DOCK1: variants seen among roughly 807,000 people sequenced by gnomAD.
DOCK1 encodes the protein dedicator of cytokinesis 1.
DOCK1 carries 138 observed loss-of-function variants against 262.7 expected under a neutral mutation model. The observed-to-expected ratio is 0.53, with a 90% CI of 0.46 to 0.61. The LOEUF is 0.61. Ranked by LOEUF, DOCK1 falls within the 20% of genes least tolerant of loss-of-function variation. The pLI, the probability that DOCK1 is intolerant of heterozygous loss-of-function variation, is 0.00. For missense variants in DOCK1, 1,908 were observed against 2,370.7 expected (o/e 0.80, Z 4.05); for synonymous variants, 866 against 867.4 (o/e 1.00, Z 0.03).
At chr10:127,099,956 C>CCT (rs2048137702) in intron 23 of DOCK1, among the ~76,000 whole-genome samples, 1 of 152,108 alleles carries the variant, frequency 6.6e-6, no homozygotes, top group African/African-American at 2.4e-5. Context: ...TGTGCTCAAG[C>CCT]CTCTGAGCTG....
chr10:127,308,437 C>T (rs1454629776), intron 29 of DOCK1, among the ~76,000 whole-genome samples: 3 of 152,178 alleles, frequency 2.0e-5, no homozygotes, highest in African/African-American at 7.2e-5. Context: ...TTTGTTTTTA[C>T]TTTAAGTTCC....
At chr10:127,253,934 G>A (rs1358684702) in intron 28 of DOCK1, among the ~76,000 whole-genome samples, 1 of 146,760 alleles carries the variant, frequency 6.8e-6, no homozygotes, top group African/African-American at 2.5e-5. Context: ...TCCGTTGAAA[G>A]CACGTTGGCA....
At chr10:127,432,059 A>C (rs1186326600) in intron 47 of DOCK1, among the ~76,000 whole-genome samples, 1 of 152,154 alleles carries the variant, frequency 6.6e-6, no homozygotes, top group Non-Finnish European at 1.5e-5. Flanking sequence ...TGAGAATCTA[A>C]TGCCTGATGA....
chr10:127,016,742 C>A (rs796273688), intron 12 of DOCK1, among the ~76,000 whole-genome samples: 6 of 145,464 alleles, frequency 4.1e-5, no homozygotes, highest in African/African-American at 1.3e-4. Context: ...ACCACACACA[C>A]ACACACTAAC....
chr10:127,271,456 A>G (rs1310601886), intron 29 of DOCK1, among the ~76,000 whole-genome samples: 1 of 152,224 alleles, frequency 6.6e-6, no homozygotes, highest in Non-Finnish European at 1.5e-5. Context: ...CTTATGTAAT[A>G]CATCTTCAGG....
At chr10:127,128,860 A>C (rs957321152) in intron 27 of DOCK1, among the ~76,000 whole-genome samples, 1 of 152,330 alleles carries the variant, frequency 6.6e-6, no homozygotes, top group African/African-American at 2.4e-5. Flanking sequence ...CCCATCAAAG[A>C]TAGACTGGAT....
At chr10:127,189,539 A>T (rs2056562481) in intron 27 of DOCK1, among the ~76,000 whole-genome samples, 1 of 152,258 alleles carries the variant, frequency 6.6e-6, no homozygotes, top group Admixed American at 6.5e-5. Context: ...TAGCAAGACT[A>T]AAATATAAAT....
At chr10:127,032,036 A>G (rs924460694) in intron 17 of DOCK1, 101 bp from the exon 18 acceptor site, 14 of 1,377,156 alleles carry the variant, frequency 1.0e-5, no homozygotes, top group Admixed American at 2.1e-5. Context: ...GATACAAAGC[A>G]ATTACGATGG....
chr10:127,023,257 G>C lies in DOCK1; in HGVS notation c.1385G>C (p.Ser462Thr). 6.2e-7 allele frequency: 1 copy of C among 1,613,934 alleles called. No homozygotes were observed. ...GTTCAAGGAGATTTTGATAAAGGAA[G>C]CAAAACAACAGCGAAGAACGTGGAG... ...TLVQGDFDKGSKTTAKNVEVT... is the reference protein window; with the variant it reads ...TLVQGDFDKGTKTTAKNVEVT... Residue 462 changes from serine (S) to threonine (T), a missense_variant, in exon 14 of 52, where the codon AGC (serine) becomes ACC (threonine). Coordinates refer to ENST00000623213, the MANE Select transcript of DOCK1 (RefSeq NM_001290223.2).
intron 25 of DOCK1, among the ~76,000 whole-genome samples, chr10:127,113,397 G>C (rs1016475032): frequency 6.6e-6 from 1 of 152,182 alleles, no homozygotes; most frequent in Non-Finnish European, 1.5e-5. Flanking sequence ...TTGCTTCTCA[G>C]CTTGTGTGTT....
chr10:126,911,559 T>C (rs1195936368), intron 1 of DOCK1, among the ~76,000 whole-genome samples: 1 of 152,126 alleles, frequency 6.6e-6, no homozygotes, highest in Non-Finnish European at 1.5e-5. Flanking sequence ...CTTCAGTGCA[T>C]CCGGAAGGCC....
In DOCK1 at chr10:127,437,478, CTT is replaced by C. The variant is rs5788842; in HGVS notation, c.5061-1529_5061-1528del. ...GGAGCAAGATTGCTGCAATGACCAT[CTT>C]TTTTTTTTTTTTTTTTTTTGAGACA... is the stretch of plus-strand genomic sequence containing the variant. On this transcript the variant is annotated intron_variant, in intron 48 of 51. Transcript: ENST00000623213. The surrounding 1 kb of genome is among the most constrained non-coding windows in gnomAD (Gnocchi z 4.4). 0.015 allele frequency among the ~76,000 whole-genome samples: 2,182 copies of C among 145,686 alleles called. 32 individuals are homozygous for C. The highest frequency in any genetic ancestry group is 0.087 in the East Asian group (421 of 4,838).
chr10:127,339,021 A>G lies in DOCK1; in HGVS notation c.3060A>G (p.Ala1020=). 6.3e-7 allele frequency: 1 copy of G among 1,581,652 alleles called. No homozygotes were observed. Among genetic ancestry groups the G allele is most frequent in the South Asian group, 1.2e-5 (1 of 86,012 alleles). Residue 1020 remains alanine, a synonymous_variant, in exon 30 of 52, where the codon GCA becomes GCG. Coordinates refer to ENST00000623213, the MANE Select transcript of DOCK1 (RefSeq NM_001290223.2). ...GATCTTTCAGAGTCTTCCTGCGAGC[A>G]ATTAATCAGTATGCAGATATGCTGA... ...NMVQNKVFLR[A]INQYADMLNK... is the part of the protein sequence containing the mutation.
intron 23 of DOCK1, among the ~76,000 whole-genome samples, chr10:127,101,564 C>T (rs2048249759): frequency 6.6e-6 from 1 of 152,218 alleles, no homozygotes; most frequent in South Asian, 2.1e-4. Flanking sequence ...GGGGCACAAC[C>T]CCTTCTCTGA....
rs1484405840 is a variant in DOCK1, at chr10:127,433,437, A to G, written c.5060+9A>G. On this transcript the variant is annotated intron_variant, in intron 48 of 51. Transcript: ENST00000623213. ...AGACCAGGCTCCGACGGGTGAGTCAAGCTCACAGCAGGGCTGAGCTGAGCA... is the reference window on the plus strand; with the variant it reads ...AGACCAGGCTCCGACGGGTGAGTCAGGCTCACAGCAGGGCTGAGCTGAGCA... 2 of 1,613,724 alleles carry G rather than the reference A, an allele frequency of 1.2e-6. No homozygotes were observed. The highest frequency in any genetic ancestry group is 1.7e-6 in the Non-Finnish European group (2 of 1,179,864).
chr10:127,336,200 G>T (rs767012768), intron 29 of DOCK1, among the ~76,000 whole-genome samples: 1 of 152,076 alleles, frequency 6.6e-6, no homozygotes, highest in South Asian at 2.1e-4. Context: ...TGATTGGCCC[G>T]GGGCATAGCT....
chr10:127,211,308 G>A (rs2057961810), intron 27 of DOCK1, among the ~76,000 whole-genome samples: 1 of 152,166 alleles, frequency 6.6e-6, no homozygotes, highest in South Asian at 2.1e-4. Context: ...TCCTAGACTC[G>A]GGTTCTGGGC....
chr10:127,414,875 C>A (rs1565073889), intron 43 of DOCK1, among the ~76,000 whole-genome samples: 1 of 152,210 alleles, frequency 6.6e-6, no homozygotes, highest in East Asian at 1.9e-4. Context: ...ATCTTTCTCA[C>A]TCACCTAGTA....
At position 127,409,313 on chromosome 10, in the gene DOCK1, A is replaced by T. The variant is rs768831824; in HGVS notation, c.4265A>T (p.Tyr1422Phe). ...GTGATCCTTAACCCCCTCACCTCAG[A>T]TATTCAGTGCTTCACAGTGAAGCCC... ...GDDIKNSPGQ[Y>F]IQCFTVKPKL... The change falls in exon 42 of 52, where the codon TAT becomes TTT. Residue 1422 changes from tyrosine (Y) to phenylalanine (F), a missense_variant and splice_region_variant. By Grantham distance (22) the Tyr-to-Phe change is conservative. Coordinates refer to ENST00000623213, the MANE Select transcript of DOCK1 (RefSeq NM_001290223.2). The T allele has an allele frequency of 5.0e-6, 8 of 1,613,786 alleles. No individual in the cohort carries two copies. Among genetic ancestry groups the T allele is most frequent in the Non-Finnish European group, 5.9e-6 (7 of 1,179,866 alleles).
Sources: gnomAD v4.1 joint callset for allele counts (sites outside exome capture counted in the v4.1 genomes callset) on GRCh38, gnomAD v4.1.1 for gene constraint, Gnocchi (gnomAD v3.1) non-coding constraint, MANE v1.5 for transcripts, NCBI Gene and HGNC (gene_info 2026-07-23, HGNC 2026-07-21) for gene names.